Variants in DAB1 observed in about 807,000 individuals in gnomAD.
DAB1 encodes the protein DAB adaptor protein 1.
In DAB1, 15 loss-of-function variants were observed where a neutral mutation model predicts 64.6. The observed-to-expected ratio is 0.23, with a 90% confidence interval of 0.16 to 0.36. DAB1 has a LOEUF of 0.36. Ranked by LOEUF, DAB1 falls within the 10% of genes least tolerant of loss-of-function variation. The probability of loss-of-function intolerance (pLI) is 1.00; values close to 1 mark genes in which losing one functional copy is unlikely to be tolerated. For missense variants in DAB1, 596 were observed against 706.7 expected (o/e 0.84, Z 1.78); for synonymous variants, 235 against 251.9 (o/e 0.93, Z 0.64).
chr1:57,446,044 A>C (rs1686124507), intron 7 of DAB1, among the ~76,000 whole-genome samples: 1 of 152,120 alleles, frequency 6.6e-6, no homozygotes, highest in African/African-American at 2.4e-5. Context: ...CACCCATCCA[A>C]TTTTATGATT....
chr1:57,076,560 C>A (rs2100611889), intron 4 of DAB1, among the ~76,000 whole-genome samples: 1 of 152,320 alleles, frequency 6.6e-6, no homozygotes, highest in African/African-American at 2.4e-5. Flanking sequence ...GCATGAACTT[C>A]AGGTCACCTG....
At chr1:58,315,556 T>C (rs1298620804) in intron 4 of DAB1, among the ~76,000 whole-genome samples, 1 of 152,170 alleles carries the variant, frequency 6.6e-6, no homozygotes, top group Non-Finnish European at 1.5e-5. Flanking sequence ...AATTTATACA[T>C]AGTTTGATAT....
intron 6 of DAB1, among the ~76,000 whole-genome samples, chr1:57,695,358 AAAG>A (rs1392031732): frequency 0.018 from 568 of 32,004 alleles, 1 homozygote; most frequent in East Asian, 0.035. Flanking sequence ...GAAAGAAAAG[AAAG>A]AAGAAAGAAA....
At chr1:57,292,955 G>T (rs1017294347) in intron 1 of DAB1, among the ~76,000 whole-genome samples, 6 of 152,142 alleles carry the variant, frequency 3.9e-5, no homozygotes, top group Non-Finnish European at 4.4e-5. Flanking sequence ...TACTCTGTGA[G>T]ATGTTGAAAA....
At chr1:58,230,437 T>C (rs914285014) in intron 4 of DAB1, among the ~76,000 whole-genome samples, 1 of 152,218 alleles carries the variant, frequency 6.6e-6, no homozygotes, top group African/African-American at 2.4e-5. Flanking sequence ...TATTTGTTCC[T>C]GGAGCCACAG....
chr1:57,343,641 C>T (rs551171898), intron 1 of DAB1, among the ~76,000 whole-genome samples: 1 of 152,336 alleles, frequency 6.6e-6, no homozygotes, highest in African/African-American at 2.4e-5. Flanking sequence ...ACAGCAGCTG[C>T]TGGCCTAGGT....
At chr1:57,609,954 A>C (rs1009418528) in intron 7 of DAB1, among the ~76,000 whole-genome samples, 5 of 152,202 alleles carry the variant, frequency 3.3e-5, no homozygotes, top group African/African-American at 1.2e-4. Flanking sequence ...AGTTAGCACT[A>C]TTTGGAAATG....
rs562728510 is a variant in DAB1 at position 57,896,237 on chromosome 1, T to C, written n.388-12075A>G. ...GGTGATATTATCTATGCAGTATCAC[T>C]ATCGTGTACATCACAAGGGAGGGGA... is the stretch of plus-strand genomic sequence containing the variant. On this transcript the variant is annotated intron_variant and non_coding_transcript_variant, in intron 5 of 20. Transcript: ENST00000485760. 2.9e-4 allele frequency among the ~76,000 whole-genome samples: 44 copies of C among 152,268 alleles called. No individual in the cohort carries two copies. In the South Asian group the frequency reaches 9.1e-3, roughly 32 times the overall value.
intron 2 of DAB1, among the ~76,000 whole-genome samples, chr1:57,202,615 A>T (rs1190139154): frequency 6.6e-6 from 1 of 152,242 alleles, no homozygotes; most frequent in African/African-American, 2.4e-5. Flanking sequence ...GTAGGCTTCG[A>T]AAAATAAGAT....
At chr1:58,460,234 G>T (rs1230613120) in intron 3 of DAB1, among the ~76,000 whole-genome samples, 1 of 152,130 alleles carries the variant, frequency 6.6e-6, no homozygotes, top group Admixed American at 6.5e-5. Flanking sequence ...GACCCAGAGG[G>T]TATTAAGATG....
chr1:58,178,343 C>T (rs1024503740), intron 4 of DAB1, among the ~76,000 whole-genome samples: 25 of 152,122 alleles, frequency 1.6e-4, no homozygotes, highest in African/African-American at 4.3e-4. Flanking sequence ...TGCACATATA[C>T]GCTATTATGG....
chr1:57,792,669 A>C (rs1231316760), intron 6 of DAB1, among the ~76,000 whole-genome samples: 2 of 152,178 alleles, frequency 1.3e-5, no homozygotes, highest in Non-Finnish European at 2.9e-5. Flanking sequence ...TATTCTCCTG[A>C]AACCTTATTA....
chr1:58,336,418 T>G (rs1200000106), intron 4 of DAB1, among the ~76,000 whole-genome samples: 1 of 152,226 alleles, frequency 6.6e-6, no homozygotes, highest in Non-Finnish European at 1.5e-5. Flanking sequence ...GATGTTTTAT[T>G]TAAAATAATA....
rs532848167 is a variant in DAB1, at chr1:57,163,560, C to A, written c.68-18131G>T. ...TGGTTCTGAGTGCAATGGAAAGCCA[C>A]GCTGGTGGTGGGGGCGGCGGTACCT... is the stretch of plus-strand genomic sequence containing the variant. On this transcript the variant is annotated intron_variant, in intron 2 of 14. Coordinates refer to ENST00000371236, the MANE Select transcript of DAB1 (RefSeq NM_001365792.1). Among the ~76,000 whole-genome samples the A allele has an allele frequency of 3.2e-4, 48 of 151,966 alleles. 1 individual carries two copies. The highest frequency in any genetic ancestry group is 8.7e-4 in the African/African-American group (36 of 41,434).
intron 3 of DAB1, among the ~76,000 whole-genome samples, chr1:58,455,694 TA>T (rs1199508572): frequency 6.6e-6 from 1 of 152,254 alleles, no homozygotes; most frequent in Non-Finnish European, 1.5e-5. Context: ...TACTTCAGTC[TA>T]CTATTCCCTC....
In DAB1 at chr1:58,276,493, AC is replaced by A. The variant is rs1661447946; in HGVS notation, n.309+66858del. Among the ~76,000 whole-genome samples, 3 of 152,200 alleles carry A rather than the reference AC, an allele frequency of 2.0e-5. No homozygotes were observed. In the South Asian group the frequency reaches 6.2e-4, roughly 32 times the overall value. ...AATGCATTACGAAGAACTAGTAGAC[AC>A]CTTCAAAACAGAGAACAAGCAGTGT... On this transcript the variant is annotated intron_variant and non_coding_transcript_variant, in intron 4 of 20. Transcript: ENST00000485760.
intron 6 of DAB1, among the ~76,000 whole-genome samples, chr1:57,799,512 G>A (rs1651023992): frequency 6.7e-6 from 1 of 148,522 alleles, no homozygotes; most frequent in African/African-American, 2.5e-5. Context: ...AGGCCAGACT[G>A]ATTTGTTTTG....
intron 7 of DAB1, among the ~76,000 whole-genome samples, chr1:57,524,249 A>G (rs530442962): frequency 2.0e-5 from 3 of 152,318 alleles, no homozygotes; most frequent in African/African-American, 7.2e-5. Context: ...AACTACAGAC[A>G]TAAGTTTCTA....
chr1:57,043,429 A>G (rs1028432002), intron 9 of DAB1, among the ~76,000 whole-genome samples: 12 of 152,150 alleles, frequency 7.9e-5, no homozygotes, highest in African/African-American at 2.9e-4. Flanking sequence ...ATCCCTGAAC[A>G]TATCCCAAAG....
Sources: allele counts gnomAD v4.1 joint callset (sites outside exome capture counted in the v4.1 genomes callset), GRCh38; gene constraint gnomAD v4.1.1; transcripts MANE v1.5; gene names NCBI Gene and HGNC (gene_info 2026-07-23, HGNC 2026-07-21).